The following RSF1 variants were observed in gnomAD, a reference collection of about 807,000 sequenced individuals.
RSF1 encodes the protein HBV pX-associated protein 8.
A neutral mutation model predicts 145.2 loss-of-function variants in RSF1; 13 were observed. The ratio of observed to expected loss-of-function variants is 0.09; its 90% CI spans 0.06 to 0.14. The LOEUF is 0.14. Ranked by LOEUF, RSF1 falls within the 10% of genes least tolerant of loss-of-function variation. RSF1 has a pLI of 1.00. For missense variants in RSF1, 1,517 were observed against 1,718.2 expected, an observed-to-expected ratio of 0.88 and a Z score of 2.07; for synonymous variants, 577 against 592.6, an observed-to-expected ratio of 0.97 and a Z score of 0.38.
the RSF1 span, chr11:77,869,554 G>A: frequency 7.2e-6 from 4 of 558,424 alleles, no homozygotes; most frequent in Non-Finnish European, 9.6e-6. Context: ...TAGGTTCAAG[G>A]GATCCTGCCT....
intron 2 of RSF1, among the ~76,000 whole-genome samples, chr11:77,761,263 G>A (rs1948168893): frequency 6.6e-6 from 1 of 152,058 alleles, no homozygotes; most frequent in Non-Finnish European, 1.5e-5. Flanking sequence ...TCTACTTAAT[G>A]ACATCATCTT....
intron 3 of RSF1, among the ~76,000 whole-genome samples, chr11:77,744,689 T>C (rs1947980576): frequency 6.6e-6 from 1 of 152,232 alleles, no homozygotes; most frequent in South Asian, 2.1e-4. Flanking sequence ...AATGATCTCA[T>C]TTATGTGCTA....
At chr11:77,669,235 C>T (rs1291859716) in intron 15 of RSF1, among the ~76,000 whole-genome samples, 3 of 152,136 alleles carry the variant, frequency 2.0e-5, no homozygotes, top group African/African-American at 7.2e-5. Context: ...CCAGTTCCAC[C>T]CTCCATCATC....
At chr11:77,841,079 C>A in the RSF1 span, 1 of 641,796 alleles carries the variant, frequency 1.6e-6, no homozygotes, top group Non-Finnish European at 2.8e-6. Flanking sequence ...CTTCTTGCTG[C>A]ATCATCCTAT....
At chr11:77,708,694 G>C (rs949281774) in intron 5 of RSF1, among the ~76,000 whole-genome samples, 21 of 152,180 alleles carry the variant, frequency 1.4e-4, no homozygotes, top group Admixed American at 9.2e-4. Context: ...ATTTTATTCA[G>C]ATTCAAAACC....
intron 3 of RSF1, 139 bp downstream of exon 3, chr11:77,746,897 T>C (rs1203283673): frequency 1.1e-5 from 6 of 531,288 alleles, no homozygotes; most frequent in Non-Finnish European, 2.0e-5. Context: ...AAAGAATAGA[T>C]TGTCACTAAA....
rs544894154 is a variant in RSF1 at position 77,718,723 on chromosome 11, G to A, written c.733+6822C>T. Among the ~76,000 whole-genome samples the A allele has an allele frequency of 2.6e-4, 40 of 152,262 alleles. 2 individuals are homozygous for A. The South Asian group carries it at 8.1e-3, about 31-fold the overall frequency. On this transcript the variant is annotated intron_variant, in intron 5 of 15. Coordinates refer to ENST00000308488, the MANE Select transcript of RSF1 (RefSeq NM_016578.4). Reference sequence around the variant, plus strand: ...AGAGAAGAGAGTCATTTGCAAGCCAGGAAAAGAGCCCTCATCAGAAATCAA... The same window carrying A: ...AGAGAAGAGAGTCATTTGCAAGCCAAGAAAAGAGCCCTCATCAGAAATCAA...
At chr11:77,791,572 C>G (rs1023696653) in intron 1 of RSF1, among the ~76,000 whole-genome samples, 1 of 152,156 alleles carries the variant, frequency 6.6e-6, no homozygotes, top group Non-Finnish European at 1.5e-5. Context: ...CCTTATAAAA[C>G]TGAATGCCTT....
the RSF1 span, chr11:77,841,301 A>T: frequency 2.9e-6 from 2 of 693,294 alleles, no homozygotes; most frequent in Non-Finnish European, 5.3e-6. Context: ...TTCAAACCAT[A>T]GCACTAAACT....
At chr11:77,675,306 C>T (rs768900831) in intron 13 of RSF1, 50 bp from the exon 14 acceptor site, 1 of 1,473,724 alleles carries the variant, frequency 6.8e-7, no homozygotes, top group Middle Eastern at 1.8e-4. Flanking sequence ...AAGAGTGAAC[C>T]CATTTTTAAG....
chr11:77,754,003 C>T (rs928758661), intron 2 of RSF1, among the ~76,000 whole-genome samples: 3 of 152,154 alleles, frequency 2.0e-5, no homozygotes, highest in Admixed American at 1.3e-4. Flanking sequence ...AAAACCCTAG[C>T]CCCCAAATGC....
chr11:77,782,451 G>A (rs1948413513), intron 1 of RSF1, among the ~76,000 whole-genome samples: 1 of 151,934 alleles, frequency 6.6e-6, no homozygotes, highest in Admixed American at 6.6e-5. Context: ...TAAGGCAGGA[G>A]AATCGCATAA....
chr11:77,830,633 C>T, the RSF1 span, among the ~76,000 whole-genome samples: 19 of 152,026 alleles, frequency 1.2e-4, no homozygotes, highest in African/African-American at 4.3e-4. Context: ...CCCGCGTTTG[C>T]CCCCCTTTAT....
intron 1 of RSF1, among the ~76,000 whole-genome samples, chr11:77,816,649 C>A (rs1008334116): frequency 7.9e-5 from 12 of 152,100 alleles, no homozygotes; most frequent in Non-Finnish European, 1.3e-4. Flanking sequence ...TTAAAGAATA[C>A]AGTAGTATAG....
chr11:77,746,988 A>C, intron 3 of RSF1, 48 bp downstream of exon 3: 1 of 1,235,076 alleles, frequency 8.1e-7, no homozygotes, highest in Non-Finnish European at 1.2e-6. Flanking sequence ...AGGAGTCAAA[A>C]GTTAAATTTT....
intron 1 of RSF1, among the ~76,000 whole-genome samples, chr11:77,816,044 T>C (rs1437526939): frequency 6.6e-6 from 1 of 152,168 alleles, no homozygotes; most frequent in Non-Finnish European, 1.5e-5. Flanking sequence ...CTCCGTAACT[T>C]TACTCTATGA....
rs12276843 is a variant in RSF1, at chr11:77,773,636, T to C, written c.188-8947A>G. On this transcript the variant is annotated intron_variant, in intron 1 of 15. Coordinates refer to ENST00000308488, the MANE Select transcript of RSF1 (RefSeq NM_016578.4). ...TTAGTGGTGTGATAATTTTTAAAAA[T>C]TCAAAAGCAAGTGTTGTTACTCAAA... is the stretch of plus-strand genomic sequence containing the variant. Among the ~76,000 whole-genome samples, 271 of 152,290 alleles carry C rather than the reference T, an allele frequency of 1.8e-3. 2 individuals carry two copies. Among genetic ancestry groups the C allele is most frequent in the African/African-American group, 6.4e-3 (267 of 41,560 alleles).
intron 1 of RSF1, among the ~76,000 whole-genome samples, chr11:77,786,649 C>A (rs1174010138): frequency 6.6e-6 from 1 of 152,126 alleles, no homozygotes; most frequent in African/African-American, 2.4e-5. Context: ...AATTTTAATT[C>A]TCCTAAAACT....
rs145904887 is a variant in RSF1, at chr11:77,756,052, A to C, written c.279+8546T>G. On this transcript the variant is annotated intron_variant, in intron 2 of 15. Transcript: ENST00000308488. Reference sequence around the variant, plus strand: ...TAACAATAATTTCTTTAGGTAACATAACACATCCTAAAGAAACTTTTCAGG... The same window carrying C: ...TAACAATAATTTCTTTAGGTAACATCACACATCCTAAAGAAACTTTTCAGG... Among the ~76,000 whole-genome samples, 756 of 152,268 alleles carry C rather than the reference A, an allele frequency of 5.0e-3. 8 individuals carry two copies. Among genetic ancestry groups the C allele is most frequent in the African/African-American group, 0.017 (711 of 41,544 alleles).
Sources: allele counts gnomAD v4.1 joint callset (sites outside exome capture counted in the v4.1 genomes callset), GRCh38; gene constraint gnomAD v4.1.1; transcripts MANE v1.5; gene names NCBI Gene and HGNC (gene_info 2026-07-23, HGNC 2026-07-21).